The following PCDH15 variants were observed in gnomAD, a reference collection of about 807,000 sequenced individuals.
PCDH15 encodes protocadherin related 15, also known as protocadherin-15.
Under a neutral mutation model 178.5 loss-of-function variants are expected in PCDH15, and 129 were observed. That is an observed-to-expected ratio of 0.72 (90% CI 0.63 to 0.84). PCDH15 has a LOEUF of 0.84. Among genes scored for constraint, PCDH15 ranks in the 40% least tolerant of loss-of-function variants. The pLI is 0.00. For synonymous variants in PCDH15, 800 were observed against 732.0 expected (o/e 1.09, Z -1.50); for missense variants, 2,230 against 2,099.9 (o/e 1.06, Z -1.21).
intron 2 of PCDH15, among the ~76,000 whole-genome samples, chr10:54,933,900 G>C (rs1837842416): frequency 6.6e-6 from 1 of 152,128 alleles, no homozygotes; most frequent in Non-Finnish European, 1.5e-5. Flanking sequence ...CTGTGTTCAT[G>C]AGGTACCAAG....
rs2136218225 is a variant in PCDH15 at position 54,107,755 on chromosome 10, A to G, written c.1918-17692T>C. Among the ~76,000 whole-genome samples the G allele has an allele frequency of 2.6e-5, 4 of 152,232 alleles. No individual in the cohort carries two copies. The South Asian group carries it at 8.3e-4, about 32-fold the overall frequency. On this transcript the variant is annotated intron_variant, in intron 15 of 37. Coordinates refer to ENST00000644397, the MANE Select transcript of PCDH15 (RefSeq NM_001384140.1). ...GTTGTGGAAGTGATCAATGTAAAGAATCAGAGCCTGGGTGGGGTTTCAGAA... is the reference window on the plus strand; with the variant it reads ...GTTGTGGAAGTGATCAATGTAAAGAGTCAGAGCCTGGGTGGGGTTTCAGAA...
At chr10:55,198,859 T>C (rs1840166161) in intron 1 of PCDH15, among the ~76,000 whole-genome samples, 1 of 152,056 alleles carries the variant, frequency 6.6e-6, no homozygotes, top group Admixed American at 6.6e-5. Context: ...CATTGTAAGT[T>C]GTGCTTGCTT....
chr10:55,616,016 G>A (rs565836265), intron 2 of PCDH15, among the ~76,000 whole-genome samples: 1 of 152,154 alleles, frequency 6.6e-6, no homozygotes. Context: ...GATTAAGCTG[G>A]AGTCACCACT....
At chr10:55,341,776 T>TGC in intron 2 of PCDH15, among the ~76,000 whole-genome samples, 1 of 10,584 alleles carries the variant, frequency 9.4e-5, no homozygotes, top group African/African-American at 4.0e-4. Flanking sequence ...TATATATATA[T>TGC]ATATATATAT....
intron 2 of PCDH15, among the ~76,000 whole-genome samples, chr10:54,622,610 T>TTA (rs1330478743): frequency 1.1e-5 from 1 of 93,656 alleles, no homozygotes; most frequent in Non-Finnish European, 1.9e-5. Context: ...ATATATATAA[T>TTA]TATATATAAT....
intron 2 of PCDH15, among the ~76,000 whole-genome samples, chr10:55,484,523 T>C (rs1230303500): frequency 6.6e-6 from 1 of 151,642 alleles, no homozygotes; most frequent in Non-Finnish European, 1.5e-5. Flanking sequence ...CAAGACATTA[T>C]TCATAAAAAT....
chr10:54,933,414 C>A (rs940455306), intron 2 of PCDH15, among the ~76,000 whole-genome samples: 1 of 152,104 alleles, frequency 6.6e-6, no homozygotes, highest in African/African-American at 2.4e-5. Context: ...TAACTAAGAG[C>A]AGCAGGTATA....
At chr10:55,058,933 T>C (rs1449016184) in intron 2 of PCDH15, among the ~76,000 whole-genome samples, 1 of 152,190 alleles carries the variant, frequency 6.6e-6, no homozygotes, top group Non-Finnish European at 1.5e-5. Flanking sequence ...TATGAGAACA[T>C]TTCAGTTGAC....
chr10:55,468,086 T>C (rs1444802034), intron 2 of PCDH15, among the ~76,000 whole-genome samples: 1 of 152,010 alleles, frequency 6.6e-6, no homozygotes, highest in African/African-American at 2.4e-5. Flanking sequence ...ATGTGGATAT[T>C]TGTGAATTGT....
intron 3 of PCDH15, among the ~76,000 whole-genome samples, chr10:54,466,495 GATTT>G (rs1056490996): frequency 9.2e-5 from 14 of 151,962 alleles, no homozygotes; most frequent in African/African-American, 3.4e-4. Context: ...TAAATACACA[GATTT>G]ATTTTTGGAC....
chr10:55,434,611 A>T (rs942134595), intron 2 of PCDH15, among the ~76,000 whole-genome samples: 15 of 148,400 alleles, frequency 1.0e-4, no homozygotes, highest in South Asian at 2.1e-4. Flanking sequence ...CATGACATTA[A>T]TTTTTTTTTT....
intron 1 of PCDH15, among the ~76,000 whole-genome samples, chr10:55,291,133 T>G (rs1842997083): frequency 6.6e-6 from 1 of 152,170 alleles, no homozygotes; most frequent in African/African-American, 2.4e-5. Flanking sequence ...CCAAATTTCA[T>G]GTCCTCACAT....
intron 6 of PCDH15, among the ~76,000 whole-genome samples, chr10:54,339,080 G>C (rs1009826964): frequency 6.6e-6 from 1 of 152,088 alleles, no homozygotes; most frequent in Non-Finnish European, 1.5e-5. Flanking sequence ...ACTAATTCAA[G>C]CTTGTCTAAC....
chr10:53,815,530 C>A (rs1165030971), intron 35 of PCDH15, among the ~76,000 whole-genome samples: 1 of 152,058 alleles, frequency 6.6e-6, no homozygotes, highest in Non-Finnish European at 1.5e-5. Flanking sequence ...ATATTCCTGC[C>A]ACACAACCTC....
At chr10:54,727,633 A>C (rs1052724096) in intron 1 of PCDH15, among the ~76,000 whole-genome samples, 5 of 151,446 alleles carry the variant, frequency 3.3e-5, no homozygotes, top group Non-Finnish European at 7.4e-5. Context: ...ATCAAACCAT[A>C]CTGAAGACCA....
At chr10:54,409,313 G>A (rs10825323) in intron 3 of PCDH15, among the ~76,000 whole-genome samples, 120,112 of 151,542 alleles carry the variant, frequency 0.79, 48,357 homozygotes, top group East Asian at 0.97. Context: ...TTCCTGGCAG[G>A]TCAAAACAGA....
At chr10:54,339,677 T>C (rs1281268670) in intron 6 of PCDH15, among the ~76,000 whole-genome samples, 1 of 152,176 alleles carries the variant, frequency 6.6e-6, no homozygotes, top group Non-Finnish European at 1.5e-5. Context: ...CTCATCTGTA[T>C]ACTTCCTCAT....
At chr10:54,838,415 G>T (rs1953358698) in intron 3 of PCDH15, among the ~76,000 whole-genome samples, 1 of 152,144 alleles carries the variant, frequency 6.6e-6, no homozygotes, top group Admixed American at 6.6e-5. Flanking sequence ...CATTATGCAA[G>T]AGGTGCCTTT....
intron 1 of PCDH15, among the ~76,000 whole-genome samples, chr10:54,749,432 T>C (rs1945900563): frequency 6.6e-6 from 1 of 152,160 alleles, no homozygotes; most frequent in African/African-American, 2.4e-5. Context: ...TAGCAATTCT[T>C]TGGTTTAGTA....
Sources: allele counts gnomAD v4.1 joint callset (sites outside exome capture counted in the v4.1 genomes callset), GRCh38; gene constraint gnomAD v4.1.1; transcripts MANE v1.5; gene names NCBI Gene and HGNC (gene_info 2026-07-23, HGNC 2026-07-21).